SLC10A7: variants seen among roughly 807,000 people sequenced by gnomAD.
SLC10A7 encodes solute carrier family 10 member 7, also known as sodium/bile acid cotransporter 7.
Under a neutral mutation model 43.2 loss-of-function variants are expected in SLC10A7, and 29 were observed. The observed-to-expected ratio is 0.67, with a 90% CI of 0.50 to 0.92. SLC10A7 has a LOEUF of 0.92. Ranked by LOEUF, SLC10A7 falls within the 40% of genes least tolerant of loss-of-function variation. SLC10A7 has a pLI of 0.00. For synonymous variants in SLC10A7, 152 were observed against 144.8 expected, an observed-to-expected ratio of 1.05 and a Z score of -0.35; for missense variants, 295 against 403.2, an observed-to-expected ratio of 0.73 and a Z score of 2.30.
intron 10 of SLC10A7, among the ~76,000 whole-genome samples, chr4:146,281,320 A>C (rs1729535759): frequency 6.6e-6 from 1 of 152,014 alleles, no homozygotes; most frequent in Non-Finnish European, 1.5e-5. Context: ...CACAGAACAG[A>C]GAAACAGAGA....
At chr4:146,458,953 C>T (rs922180494) in intron 4 of SLC10A7, among the ~76,000 whole-genome samples, 1 of 151,646 alleles carries the variant, frequency 6.6e-6, no homozygotes, top group African/African-American at 2.4e-5. Context: ...TCACAAATTA[C>T]ATCATCCTAG....
At chr4:146,351,551 C>T (rs1735105425) in intron 5 of SLC10A7, among the ~76,000 whole-genome samples, 1 of 150,758 alleles carries the variant, frequency 6.6e-6, no homozygotes, top group South Asian at 2.1e-4. Context: ...AAAGATACTC[C>T]TCGAGAAGAG....
chr4:146,486,469 A>T (rs1298681777), intron 4 of SLC10A7, among the ~76,000 whole-genome samples: 1 of 152,246 alleles, frequency 6.6e-6, no homozygotes, highest in Non-Finnish European at 1.5e-5. Context: ...TCAGAGGAGA[A>T]AGTAGGTACA....
chr4:146,498,750 C>A (rs1338532318), intron 4 of SLC10A7, among the ~76,000 whole-genome samples: 1 of 152,162 alleles, frequency 6.6e-6, no homozygotes, highest in Admixed American at 6.5e-5. Flanking sequence ...CATTGAGTTC[C>A]TTCTGCTGCT....
intron 5 of SLC10A7, among the ~76,000 whole-genome samples, chr4:146,379,721 AT>A (rs1040368321): frequency 2.9e-4 from 44 of 152,142 alleles, no homozygotes; most frequent in Non-Finnish European, 4.9e-4. Context: ...TCCTCCTTAT[AT>A]TTTTATCCTC....
At chr4:146,409,784 TG>T (rs1224274347) in intron 5 of SLC10A7, among the ~76,000 whole-genome samples, 1 of 152,168 alleles carries the variant, frequency 6.6e-6, no homozygotes, top group African/African-American at 2.4e-5. Flanking sequence ...TAAATGTATA[TG>T]GTAGAATTAA....
chr4:146,466,302 T>C (rs1416320185), intron 4 of SLC10A7, among the ~76,000 whole-genome samples: 1 of 152,078 alleles, frequency 6.6e-6, no homozygotes, highest in Non-Finnish European at 1.5e-5. Flanking sequence ...TTATTATAGA[T>C]CCGAAGGGAC....
At chr4:146,496,089 C>G (rs528057858) in intron 4 of SLC10A7, among the ~76,000 whole-genome samples, 20 of 152,258 alleles carry the variant, frequency 1.3e-4, no homozygotes, top group Non-Finnish European at 2.8e-4. Flanking sequence ...GTGGAGCTGA[C>G]CTCACTTGTG....
intron 4 of SLC10A7, among the ~76,000 whole-genome samples, chr4:146,462,843 C>T (rs1465418006): frequency 6.6e-6 from 1 of 152,024 alleles, no homozygotes; most frequent in African/African-American, 2.4e-5. Flanking sequence ...CGTTTTATAT[C>T]TGTAAGCGAC....
intron 10 of SLC10A7, among the ~76,000 whole-genome samples, chr4:146,265,361 C>T (rs540568687): frequency 6.6e-6 from 1 of 152,338 alleles, no homozygotes; most frequent in Admixed American, 6.5e-5. Flanking sequence ...TGGCTCAGGG[C>T]TGGCACTTTT....
chr4:146,286,608 C>T (rs111437999), intron 9 of SLC10A7, among the ~76,000 whole-genome samples: 4 of 114,160 alleles, frequency 3.5e-5, no homozygotes, highest in Non-Finnish European at 3.6e-5. Context: ...AGGACCGTGT[C>T]TGGAGTGGTG....
chr4:146,445,884 CTCTCTTCTG>C (rs1463322320), intron 4 of SLC10A7, among the ~76,000 whole-genome samples: 4 of 114,652 alleles, frequency 3.5e-5, no homozygotes, highest in African/African-American at 1.4e-4. Flanking sequence ...CTTCTCTCTT[CTCTCTTCTG>C]TGTGTGTGTG....
At chr4:146,520,274 G>GT (rs1428063064) in intron 1 of SLC10A7, among the ~76,000 whole-genome samples, 1 of 151,662 alleles carries the variant, frequency 6.6e-6, no homozygotes, top group East Asian at 1.9e-4. Context: ...CGGGGATAGG[G>GT]GGTCTTCATT....
chr4:146,385,543 T>A (rs1737931688), intron 5 of SLC10A7, among the ~76,000 whole-genome samples: 1 of 152,178 alleles, frequency 6.6e-6, no homozygotes, highest in Non-Finnish European at 1.5e-5. Context: ...TGATTACAGA[T>A]GTTTCTCATA....
At position 146,356,039 on chromosome 4, in the gene SLC10A7, TAAAA is replaced by T. The variant is rs58931920; in HGVS notation, c.436-30047_436-30044del. Among the ~76,000 whole-genome samples, 355 of 139,802 alleles carry T rather than the reference TAAAA, an allele frequency of 2.5e-3. 1 individual carries two copies. The highest frequency in any genetic ancestry group is 3.4e-3 in the Non-Finnish European group (220 of 64,658). 91.7% of individuals were successfully genotyped at this position (139,802 alleles called of 152,430 possible). On this transcript the variant is annotated intron_variant, in intron 5 of 11. Transcript: ENST00000335472. ...ATGTACCCTAAAACTTAAAGTATAA[TAAAA>T]AAAAAAAAATATATATATATATATA...
chr4:146,509,785 A>G, intron 3 of SLC10A7, 128 bp downstream of exon 3: 1 of 773,316 alleles, frequency 1.3e-6, no homozygotes, highest in Non-Finnish European at 1.9e-6. Context: ...AAGGAAAACA[A>G]AGATGTGTTT....
At chr4:146,342,605 A>G (rs926924901) in intron 5 of SLC10A7, among the ~76,000 whole-genome samples, 18 of 151,672 alleles carry the variant, frequency 1.2e-4, no homozygotes, top group African/African-American at 4.1e-4. Context: ...AAAATTTACA[A>G]TCATCATTTT....
chr4:146,487,909 A>T (rs1735058949), intron 4 of SLC10A7, among the ~76,000 whole-genome samples: 1 of 151,962 alleles, frequency 6.6e-6, no homozygotes, highest in Admixed American at 6.6e-5. Context: ...AAAAAAAAAA[A>T]TTAGACAGGC....
chr4:146,336,422 A>T (rs1222208253), intron 5 of SLC10A7, among the ~76,000 whole-genome samples: 1 of 151,972 alleles, frequency 6.6e-6, no homozygotes, highest in African/African-American at 2.4e-5. Flanking sequence ...CCATTCTTTA[A>T]TTTTTCTTTA....
Sources: gnomAD v4.1 joint callset for allele counts (sites outside exome capture counted in the v4.1 genomes callset) on GRCh38, gnomAD v4.1.1 for gene constraint, MANE v1.5 for transcripts, NCBI Gene and HGNC (gene_info 2026-07-23, HGNC 2026-07-21) for gene names.